TLN2: variants seen among roughly 807,000 people sequenced by gnomAD.
TLN2 encodes talin-2.
Under a neutral mutation model 294.7 loss-of-function variants are expected in TLN2, and 118 were observed. The ratio of observed to expected loss-of-function variants is 0.40; its 90% CI spans 0.34 to 0.47. The LOEUF is 0.47. TLN2 is among the 20% of genes least tolerant of loss of function. The pLI, the probability that TLN2 is intolerant of heterozygous loss-of-function variation, is 0.84. For synonymous variants in TLN2, 1,431 were observed against 1,304.5 expected (o/e 1.10, Z -2.09); for missense variants, 3,083 against 3,282.2 (o/e 0.94, Z 1.48).
rs1359495588 is a variant in TLN2 at position 62,603,041 on chromosome 15, A to C, written c.-162+13279A>C. 2.6e-5 allele frequency among the ~76,000 whole-genome samples: 4 copies of C among 151,842 alleles called. No individual in the cohort carries two copies. The South Asian group carries it at 6.2e-4, about 24-fold the overall frequency. ...CCAAGTAGCTGGGACTACAAGCGCC[A>C]GCCACCACGCCCGGCTAATTTTTTG... is the stretch of plus-strand genomic sequence containing the variant. On this transcript the variant is annotated intron_variant, in intron 2 of 58. Transcript: ENST00000636159.
chr15:62,825,482 C>T (rs1219903362), intron 54 of TLN2, among the ~76,000 whole-genome samples: 2 of 151,334 alleles, frequency 1.3e-5, no homozygotes, highest in African/African-American at 4.9e-5. Flanking sequence ...ACAAATACAG[C>T]ATTTTCTGTA....
rs917379228 is a variant in TLN2 at position 62,739,211 on chromosome 15, C to T, written c.3688-137C>T. On this transcript the variant is annotated intron_variant, in intron 30 of 58. Transcript: ENST00000636159. The stretch of plus-strand genomic sequence containing the variant: ...GTCAAACCTATTAATAAAATGGGCT[C>T]AGATGACTCAGAGCCTTTTAATCGT... The T allele has an allele frequency of 4.3e-6, 4 of 931,784 alleles. No homozygotes were observed. In the African/African-American group the frequency reaches 5.0e-5, roughly 12 times the overall value. The allele number at this position is 931,784 out of a possible 1,614,324, so 57.7% of individuals were successfully genotyped here. A position where few individuals can be genotyped will look rare whatever the true frequency, so the allele number is the denominator to read the frequency against.
intron 1 of TLN2, among the ~76,000 whole-genome samples, chr15:62,516,741 C>T (rs184012064): frequency 6.6e-6 from 1 of 152,344 alleles, no homozygotes; most frequent in Admixed American, 6.5e-5. Flanking sequence ...TCAATCATAC[C>T]ACGACTCATT....
chr15:62,701,039 G>T (rs1343340303), intron 16 of TLN2, 67 bp from the exon 17 acceptor site: 2 of 1,335,786 alleles, frequency 1.5e-6, no homozygotes, highest in Non-Finnish European at 2.1e-6. Flanking sequence ...ATTTTATGGC[G>T]GGGCTTCTCC....
intron 16 of TLN2, among the ~76,000 whole-genome samples, chr15:62,700,602 A>G (rs1482872314): frequency 2.6e-5 from 4 of 152,186 alleles, no homozygotes; most frequent in Non-Finnish European, 4.4e-5. Flanking sequence ...CTTACCGTCT[A>G]CATGAGCATG....
intron 2 of TLN2, among the ~76,000 whole-genome samples, chr15:62,594,557 A>G (rs2046329901): frequency 6.6e-6 from 1 of 152,202 alleles, no homozygotes; most frequent in South Asian, 2.1e-4. Flanking sequence ...CACAATGGGG[A>G]AAGGGCAGTC....
intron 2 of TLN2, among the ~76,000 whole-genome samples, chr15:62,599,816 G>A (rs2046838765): frequency 6.6e-6 from 1 of 152,162 alleles, no homozygotes; most frequent in South Asian, 2.1e-4. Context: ...TGTGAACGTG[G>A]GAGTGAGCGC....
At chr15:62,732,283 A>T (rs1204188447) in intron 28 of TLN2, among the ~76,000 whole-genome samples, 1 of 152,212 alleles carries the variant, frequency 6.6e-6, no homozygotes, top group Admixed American at 6.5e-5. Flanking sequence ...CCAGGAAGAC[A>T]TGCTGTCTAG....
chr15:62,560,011 C>T (rs115321732), intron 1 of TLN2, among the ~76,000 whole-genome samples: 5,348 of 151,706 alleles, frequency 0.035, 131 homozygotes, highest in African/African-American at 0.063. Context: ...CCTATTTGAC[C>T]GAGACCACAC....
chr15:62,500,974 G>A lies in TLN2; in HGVS notation c.-237-88713G>A, dbSNP rs1315671167. 2.0e-5 allele frequency among the ~76,000 whole-genome samples: 3 copies of A among 152,356 alleles called. No homozygotes were observed. The East Asian group carries it at 5.8e-4, about 29-fold the overall frequency. ...GCTTAAAATTTGGTAACCTAAGGGG[G>A]CTTGAAGTCCCGCCAGGGCACTTCT... is the stretch of plus-strand genomic sequence containing the variant. On this transcript the variant is annotated intron_variant, in intron 1 of 58. Coordinates refer to ENST00000636159, the MANE Select transcript of TLN2 (RefSeq NM_015059.3).
chr15:62,653,485 G>T (rs929453474), intron 7 of TLN2, among the ~76,000 whole-genome samples, 171 bp downstream of exon 7: 5 of 152,090 alleles, frequency 3.3e-5, no homozygotes, highest in African/African-American at 4.8e-5. Context: ...CAGTATTTTG[G>T]GAGGCCAAGG....
chr15:62,768,433 A>G (rs1333661392), intron 41 of TLN2, among the ~76,000 whole-genome samples: 2 of 152,054 alleles, frequency 1.3e-5, no homozygotes, highest in Non-Finnish European at 2.9e-5. Context: ...TTAGATGGAC[A>G]CTTGTTATTG....
At chr15:62,633,264 C>T (rs1264332729) in intron 3 of TLN2, among the ~76,000 whole-genome samples, 4 of 152,174 alleles carry the variant, frequency 2.6e-5, no homozygotes, top group Admixed American at 1.3e-4. Flanking sequence ...TGCCTATGCC[C>T]TTGCCTACAC....
At chr15:62,709,623 T>G (rs2059293086) in intron 21 of TLN2, among the ~76,000 whole-genome samples, 1 of 152,216 alleles carries the variant, frequency 6.6e-6, no homozygotes, top group African/African-American at 2.4e-5. Flanking sequence ...CTTTTTATAA[T>G]CTATTGAAAA....
At chr15:62,773,749 G>T (rs1384028935) in intron 42 of TLN2, among the ~76,000 whole-genome samples, 1 of 152,142 alleles carries the variant, frequency 6.6e-6, no homozygotes, top group East Asian at 1.9e-4. Context: ...TCCCACCTCT[G>T]CCTCTCACGA....
chr15:62,590,000 GGTTTTTGTTTTT>G (rs56773746), intron 2 of TLN2, among the ~76,000 whole-genome samples: 12 of 151,038 alleles, frequency 7.9e-5, no homozygotes, highest in African/African-American at 1.2e-4. Flanking sequence ...TGAGTAGCTG[GGTTTTTGTTTTT>G]GTTTTTGTTT....
intron 1 of TLN2, among the ~76,000 whole-genome samples, chr15:62,523,271 T>C (rs990670199): frequency 6.6e-6 from 1 of 152,222 alleles, no homozygotes; most frequent in Non-Finnish European, 1.5e-5. Flanking sequence ...AGCTGACATA[T>C]GACTTAAGAT....
At chr15:62,489,531 C>T (rs1167407587) in intron 1 of TLN2, among the ~76,000 whole-genome samples, 1 of 152,178 alleles carries the variant, frequency 6.6e-6, no homozygotes, top group Non-Finnish European at 1.5e-5. Context: ...TCCTTCTCCC[C>T]TCCACCCTGC....
At chr15:62,540,279 G>A (rs193180318) in intron 1 of TLN2, among the ~76,000 whole-genome samples, 1 of 152,088 alleles carries the variant, frequency 6.6e-6, no homozygotes, top group Non-Finnish European at 1.5e-5. Flanking sequence ...GGCAGAGGTT[G>A]CAGTGAGCCA....
Sources: gnomAD v4.1 joint callset for allele counts (sites outside exome capture counted in the v4.1 genomes callset) on GRCh38, gnomAD v4.1.1 for gene constraint, MANE v1.5 for transcripts, NCBI Gene and HGNC (gene_info 2026-07-23, HGNC 2026-07-21) for gene names.